PRKD1: variants seen among roughly 807,000 people sequenced by gnomAD.
PRKD1 encodes the protein serine/threonine-protein kinase D1.
Under a neutral mutation model 95.9 loss-of-function variants are expected in PRKD1, and 63 were observed. The observed-to-expected ratio is 0.66, with a 90% CI of 0.54 to 0.81. The LOEUF is 0.81. Ranked by LOEUF, PRKD1 falls within the 30% of genes least tolerant of loss-of-function variation. The probability of loss-of-function intolerance (pLI) is 0.00; values close to 1 mark genes in which losing one functional copy is unlikely to be tolerated. For missense variants in PRKD1, 1,048 were observed against 1,165.3 expected, an observed-to-expected ratio of 0.90 and a Z score of 1.47; for synonymous variants, 425 against 423.1, an observed-to-expected ratio of 1.00 and a Z score of -0.05.
chr14:29,631,039 T>G lies in PRKD1; in HGVS notation c.1393-18A>C, dbSNP rs201719194. ...GGAATTTCCTGTGAAAGAAAAAAAGTACTAAATGTTGTTTATCAAAAGTAT... is the reference window on the plus strand; with the variant it reads ...GGAATTTCCTGTGAAAGAAAAAAAGGACTAAATGTTGTTTATCAAAAGTAT... On this transcript the variant is annotated intron_variant, in intron 9 of 17. Coordinates refer to ENST00000331968, the MANE Select transcript of PRKD1 (RefSeq NM_002742.3). 1 of 1,579,412 alleles carries G rather than the reference T, an allele frequency of 6.3e-7. No individual in the cohort carries two copies. The highest frequency in any genetic ancestry group is 2.2e-5 in the East Asian group (1 of 44,492).
chr14:29,705,938 A>G (rs78477245), intron 2 of PRKD1, among the ~76,000 whole-genome samples: 179 of 152,190 alleles, frequency 1.2e-3, no homozygotes, highest in African/African-American at 3.9e-3. Flanking sequence ...TTGTGTATAA[A>G]CTTTTGTATG....
At chr14:29,590,571 T>C (rs1394170185) in intron 16 of PRKD1, among the ~76,000 whole-genome samples, 1 of 152,184 alleles carries the variant, frequency 6.6e-6, no homozygotes, top group Non-Finnish European at 1.5e-5. Context: ...GTTATGCATA[T>C]TCTTTTGCAT....
chr14:29,768,703 C>T (rs1188793426), intron 1 of PRKD1, among the ~76,000 whole-genome samples: 1 of 145,516 alleles, frequency 6.9e-6, no homozygotes, highest in Non-Finnish European at 1.5e-5. Context: ...GTTCTTTCTC[C>T]CTGATTAAAA....
chr14:29,883,107 G>A (rs1893573317), intron 1 of PRKD1, among the ~76,000 whole-genome samples: 1 of 152,162 alleles, frequency 6.6e-6, no homozygotes, highest in African/African-American at 2.4e-5. Flanking sequence ...GGCAGGAGCA[G>A]GCATGCCACA....
chr14:29,626,056 G>A (rs1879597453), intron 12 of PRKD1, among the ~76,000 whole-genome samples: 2 of 151,842 alleles, frequency 1.3e-5, no homozygotes, highest in Admixed American at 6.6e-5. Context: ...AAACCTTCAG[G>A]AAACAAATAT....
rs1291938931 is a variant in PRKD1, at chr14:29,736,393, C to A, written c.265-10719G>T. ...AAAAGTGTACTGAAACAATGCCTGA[C>A]AACTGAAAAGAGAAGATATTGGGGG... is the stretch of plus-strand genomic sequence containing the variant. On this transcript the variant is annotated intron_variant, in intron 1 of 17. Transcript: ENST00000331968. Among the ~76,000 whole-genome samples the A allele has an allele frequency of 2.0e-5, 3 of 152,198 alleles. No homozygotes were observed. In the East Asian group the frequency reaches 5.8e-4, roughly 29 times the overall value.
chr14:29,826,678 TATATATAC>T lies in PRKD1; in HGVS notation c.264+100563_264+100570del, dbSNP rs1566622299. Among the ~76,000 whole-genome samples the T allele has an allele frequency of 5.8e-4, 41 of 71,224 alleles. 4 individuals carry two copies. The East Asian group carries it at 0.015, about 26-fold the overall frequency. 46.7% of individuals were successfully genotyped at this position (71,224 alleles called of 152,430 possible). A position where few individuals can be genotyped will look rare whatever the true frequency, so the allele number is the denominator to read the frequency against. On this transcript the variant is annotated intron_variant, in intron 1 of 17. Transcript: ENST00000331968. Reference sequence around the variant, plus strand: ...GTGTGTGTGTGTATATATGTGTATATATATATACACACATATATATACATATATACACA... The same window carrying T: ...GTGTGTGTGTGTATATATGTGTATATACACATATATATACATATATACACA...
chr14:29,718,262 G>A (rs1885723428), intron 2 of PRKD1, among the ~76,000 whole-genome samples: 1 of 152,126 alleles, frequency 6.6e-6, no homozygotes, highest in Admixed American at 6.6e-5. Flanking sequence ...TCTCGTGATA[G>A]TGAGTGAATT....
At chr14:29,914,766 ACTTTT>A (rs1336651427) in intron 1 of PRKD1, among the ~76,000 whole-genome samples, 3 of 147,708 alleles carry the variant, frequency 2.0e-5, no homozygotes, top group Non-Finnish European at 3.0e-5. Flanking sequence ...ACTGAATGGC[ACTTTT>A]CTTTTCTTTT....
At chr14:29,910,107 T>G (rs940643644) in intron 1 of PRKD1, among the ~76,000 whole-genome samples, 1 of 152,158 alleles carries the variant, frequency 6.6e-6, no homozygotes, top group Non-Finnish European at 1.5e-5. Context: ...GCAATAAATC[T>G]TGTTGCTGCT....
intron 1 of PRKD1, among the ~76,000 whole-genome samples, chr14:29,809,101 G>A (rs1215819639): frequency 2.0e-5 from 3 of 152,182 alleles, no homozygotes; most frequent in Non-Finnish European, 4.4e-5. Flanking sequence ...GGGTGACCAG[G>A]TGCATTGTCA....
chr14:29,581,108 T>C (rs572959833), intron 16 of PRKD1, among the ~76,000 whole-genome samples: 5 of 152,280 alleles, frequency 3.3e-5, no homozygotes, highest in Non-Finnish European at 7.4e-5. Flanking sequence ...TTAGATGCAA[T>C]GGAAAACTTT....
chr14:29,792,759 T>C (rs1278580207), intron 1 of PRKD1, among the ~76,000 whole-genome samples: 1 of 152,018 alleles, frequency 6.6e-6, no homozygotes, highest in Admixed American at 6.6e-5. Context: ...CACAAATACC[T>C]GGGCATAGCA....
intron 1 of PRKD1, among the ~76,000 whole-genome samples, chr14:29,894,656 G>A (rs1255598947): frequency 1.3e-5 from 2 of 152,190 alleles, no homozygotes; most frequent in African/African-American, 2.4e-5. Context: ...AGTGGAGATG[G>A]AGAGAAATAA....
At chr14:29,797,614 A>T (rs910062859) in intron 1 of PRKD1, among the ~76,000 whole-genome samples, 26 of 152,224 alleles carry the variant, frequency 1.7e-4, no homozygotes, top group African/African-American at 6.3e-4. Flanking sequence ...AATTCAAACT[A>T]CCCAAGGGTG....
In PRKD1 at chr14:29,577,203, T is replaced by G; in HGVS notation, c.*35A>C. ...AACCTGACCGTATGTATTTATTAGTTCCACAGTGTTTTGACAGATTATAGG... is the reference window on the plus strand; with the variant it reads ...AACCTGACCGTATGTATTTATTAGTGCCACAGTGTTTTGACAGATTATAGG... On this transcript the variant is annotated 3_prime_UTR_variant, in exon 18 of 18. Coordinates refer to ENST00000331968, the MANE Select transcript of PRKD1 (RefSeq NM_002742.3). 1 of 1,575,220 alleles carries G rather than the reference T, an allele frequency of 6.3e-7. No homozygotes were observed. Among genetic ancestry groups the G allele is most frequent in the Non-Finnish European group, 8.7e-7 (1 of 1,146,348 alleles).
intron 13 of PRKD1, among the ~76,000 whole-genome samples, chr14:29,623,637 A>G (rs1028783701): frequency 3.9e-5 from 6 of 152,304 alleles, no homozygotes; most frequent in African/African-American, 1.4e-4. Context: ...TTCTGGTTTG[A>G]AAAAGGGACT....
intron 2 of PRKD1, among the ~76,000 whole-genome samples, chr14:29,710,648 C>T (rs1885294644): frequency 6.6e-6 from 1 of 151,992 alleles, no homozygotes; most frequent in East Asian, 1.9e-4. Context: ...CGAGCAGAAA[C>T]AGGACATTAA....
At chr14:29,927,133 G>C in intron 1 of PRKD1, 116 bp downstream of exon 1, 2 of 1,143,226 alleles carry the variant, frequency 1.7e-6, no homozygotes, top group Non-Finnish European at 2.2e-6. Context: ...GAGCGCCGGC[G>C]AGGCTGGCGG....
Sources: allele counts gnomAD v4.1 joint callset (sites outside exome capture counted in the v4.1 genomes callset), GRCh38; gene constraint gnomAD v4.1.1; transcripts MANE v1.5; gene names NCBI Gene and HGNC (gene_info 2026-07-23, HGNC 2026-07-21).